The following VPS26C variants were observed in gnomAD, a reference collection of about 807,000 sequenced individuals.
VPS26C encodes the protein vacuolar protein sorting-associated protein 26C.
Under a neutral mutation model 30.6 loss-of-function variants are expected in VPS26C, and 19 were observed. The observed-to-expected ratio is 0.62, with a 90% confidence interval of 0.43 to 0.91. The LOEUF (loss-of-function observed/expected upper bound fraction) is 0.91. Among genes scored for constraint, VPS26C ranks in the 40% least tolerant of loss-of-function variants. VPS26C has a pLI of 0.00. For missense variants in VPS26C, 318 were observed against 385.1 expected, an observed-to-expected ratio of 0.83 and a Z score of 1.46; for synonymous variants, 132 against 151.5, an observed-to-expected ratio of 0.87 and a Z score of 0.95.
At chr21:37,261,792 G>C (rs1372531406) in intron 1 of VPS26C, 1 of 152,078 alleles carries the variant, frequency 6.6e-6, no homozygotes, top group Non-Finnish European at 1.5e-5. Flanking sequence ...CACAGTGCAT[G>C]AGGTTACCAA....
chr21:37,267,133 C>G, intron 1 of VPS26C, 105 bp downstream of exon 1: 2 of 1,059,368 alleles, frequency 1.9e-6, no homozygotes, highest in Non-Finnish European at 2.9e-6. Flanking sequence ...GGCGGGACAG[C>G]CCTGCCCCGC....
At chr21:37,234,333 C>T (rs2085997601) in intron 3 of VPS26C, among the ~76,000 whole-genome samples, 1 of 152,226 alleles carries the variant, frequency 6.6e-6, no homozygotes, top group Admixed American at 6.5e-5. Context: ...TTTAATGTGG[C>T]AGAGCCGCAT....
chr21:37,243,565 T>C (rs2086109009), intron 1 of VPS26C, among the ~76,000 whole-genome samples: 1 of 152,158 alleles, frequency 6.6e-6, no homozygotes, highest in South Asian at 2.1e-4. Context: ...GAAAGAGCTT[T>C]CATTGGAGGA....
At chr21:37,252,703 C>T (rs1602282037) in intron 1 of VPS26C, among the ~76,000 whole-genome samples, 1 of 152,174 alleles carries the variant, frequency 6.6e-6, no homozygotes, top group Admixed American at 6.5e-5. Context: ...AATAGATGAA[C>T]AAACTGTGAT....
At chr21:37,232,270 G>C (rs530777038) in intron 5 of VPS26C, 107 bp downstream of exon 5, 9 of 876,716 alleles carry the variant, frequency 1.0e-5, no homozygotes, top group African/African-American at 6.6e-5. Context: ...AATCTCTGCC[G>C]GCTGATGACG....
intron 1 of VPS26C, among the ~76,000 whole-genome samples, chr21:37,245,015 G>A (rs2086123601): frequency 6.6e-6 from 1 of 152,200 alleles, no homozygotes; most frequent in Non-Finnish European, 1.5e-5. Flanking sequence ...CTCATGCAAA[G>A]TCAAGATGAA....
intron 1 of VPS26C, among the ~76,000 whole-genome samples, chr21:37,246,540 A>G (rs192187529): frequency 6.6e-6 from 1 of 152,344 alleles, no homozygotes; most frequent in East Asian, 1.9e-4. Context: ...AACTATGTCA[A>G]AAGAACCAAC....
chr21:37,236,311 C>G (rs2086023536), intron 3 of VPS26C, among the ~76,000 whole-genome samples: 1 of 152,064 alleles, frequency 6.6e-6, no homozygotes, highest in African/African-American at 2.4e-5. Context: ...GGCACTTGCT[C>G]TACTATAAAA....
chr21:37,255,057 G>C (rs1254540586), intron 1 of VPS26C, among the ~76,000 whole-genome samples: 1 of 152,156 alleles, frequency 6.6e-6, no homozygotes, highest in Non-Finnish European at 1.5e-5. Context: ...TTTTGTATTA[G>C]TTGCATTTTC....
At chr21:37,258,681 G>C (rs1280623057) in intron 1 of VPS26C, among the ~76,000 whole-genome samples, 1 of 152,176 alleles carries the variant, frequency 6.6e-6, no homozygotes, top group Non-Finnish European at 1.5e-5. Flanking sequence ...CCGGGGACTC[G>C]GCATTAGGAG....
chr21:37,264,046 C>T (rs2086333182), intron 1 of VPS26C, among the ~76,000 whole-genome samples: 1 of 152,176 alleles, frequency 6.6e-6, no homozygotes, highest in Admixed American at 6.5e-5. Context: ...ACAGTGCTGG[C>T]TGCCTACTCC....
chr21:37,241,191 G>C (rs976451093), intron 1 of VPS26C, among the ~76,000 whole-genome samples: 1 of 152,162 alleles, frequency 6.6e-6, no homozygotes, highest in African/African-American at 2.4e-5. Context: ...GGTTATTGGT[G>C]CCACCCACGA....
chr21:37,267,426 G>T (rs2086380283), upstream of VPS26C: 1 of 754,684 alleles, frequency 1.3e-6, no homozygotes, highest in Non-Finnish European at 2.3e-6. Context: ...ACCTCGCAGC[G>T]GCGTCGCACA....
intron 4 of VPS26C, 44 bp from the exon 5 acceptor site, chr21:37,232,495 A>G: frequency 6.6e-7 from 1 of 1,505,386 alleles, no homozygotes; most frequent in Non-Finnish European, 9.2e-7. Context: ...GAAGGCCAAG[A>G]GTTCTGCAGG....
At position 37,240,851 on chromosome 21, in the gene VPS26C, G is replaced by A. The variant is rs2086079952; in HGVS notation, c.58-212C>T. On this transcript the variant is annotated intron_variant, in intron 1 of 7. Coordinates refer to ENST00000309117, the MANE Select transcript of VPS26C (RefSeq NM_006052.2). ...GTGGCAGCCTGGACACACCTGACGG[G>A]GAGCACCCGGGTGTGGGGATGAGAA... Among the ~76,000 whole-genome samples, 6 of 152,172 alleles carry A rather than the reference G, an allele frequency of 3.9e-5. No individual in the cohort carries two copies. The South Asian group carries it at 1.0e-3, about 26-fold the overall frequency.
chr21:37,238,185 C>T, intron 3 of VPS26C: 2 of 406,262 alleles, frequency 4.9e-6, no homozygotes, highest in South Asian at 7.0e-5. Context: ...AAAAGCATCC[C>T]TTACAATGTG....
intron 1 of VPS26C, among the ~76,000 whole-genome samples, chr21:37,255,307 CT>C (rs1209779376): frequency 2.6e-5 from 4 of 152,100 alleles, no homozygotes; most frequent in African/African-American, 9.7e-5. Flanking sequence ...TTAAATAATT[CT>C]TTCTGATAAA....
At position 37,227,763 on chromosome 21, in the gene VPS26C, G is replaced by A. The variant is rs1349976562; in HGVS notation, c.702C>T (p.Asn234=). ...ACACATCCCCGTCGGCGATCTGAAT[G>A]TTCTGAATCTCCGTGGCGTCGCGGG... ...GYARDATEIQ[N]IQIADGDVCR... Residue 234 remains asparagine (N), a synonymous_variant, in exon 7 of 8, where the codon AAC becomes AAT. Coordinates refer to ENST00000309117, the MANE Select transcript of VPS26C (RefSeq NM_006052.2). 4.3e-6 allele frequency: 7 copies of A among 1,614,208 alleles called. No individual in the cohort carries two copies. Among genetic ancestry groups the A allele is most frequent in the Non-Finnish European group, 5.9e-6 (7 of 1,180,042 alleles).
At chr21:37,225,739 G>T in intron 7 of VPS26C, 113 bp from the exon 8 acceptor site, 1 of 888,494 alleles carries the variant, frequency 1.1e-6, no homozygotes, top group South Asian at 1.4e-5. Context: ...ACCCGGTGCG[G>T]GTGGGTTTCA....
Sources: allele counts gnomAD v4.1 joint callset (sites outside exome capture counted in the v4.1 genomes callset), GRCh38; gene constraint gnomAD v4.1.1; transcripts MANE v1.5; gene names NCBI Gene and HGNC (gene_info 2026-07-23, HGNC 2026-07-21).